SGSM3: variants seen among roughly 807,000 people sequenced by gnomAD.
The protein encoded by SGSM3 is RUN and SH3 containing 3.
A neutral mutation model predicts 100.5 loss-of-function variants in SGSM3; 96 were observed. The ratio of observed to expected loss-of-function variants is 0.96; its 90% CI spans 0.81 to 1.13. The LOEUF is 1.13. Ranked by LOEUF, SGSM3 falls within the 50% of genes most tolerant of loss-of-function variation. SGSM3 has a pLI of 0.00. For missense variants in SGSM3, 1,001 were observed against 1,015.8 expected, an observed-to-expected ratio of 0.99 and a Z score of 0.20; for synonymous variants, 483 against 422.8, an observed-to-expected ratio of 1.14 and a Z score of -1.75.
Position 40,408,971 on chromosome 22 carries a change from T to C in SGSM3, c.1941T>C (p.His647=), listed in dbSNP as rs768309481. The change falls in exon 19 of 22, where the codon CAT becomes CAC. Residue 647 remains histidine (H), a synonymous_variant. Transcript: ENST00000248929. The part of the protein sequence containing the change: ...QSVNVTHDAV[H]AQMDVKLRSL... ...TGAACGTGACCCACGATGCAGTGCA[T>C]GCACAAATGGATGTGAAGCTCCGCT... The C allele has an allele frequency of 3.1e-6, 5 of 1,598,980 alleles. No individual in the cohort carries two copies. Among genetic ancestry groups the C allele is most frequent in the Non-Finnish European group, 4.3e-6 (5 of 1,172,788 alleles).
intron 10 of SGSM3, 127 bp downstream of exon 10, chr22:40,406,789 C>T (rs1432707085): frequency 1.1e-5 from 10 of 921,226 alleles, no homozygotes; most frequent in South Asian, 1.5e-5. Context: ...CAGCCTGGCC[C>T]AGTCAGACCA....
chr22:40,404,482 G>A, intron 5 of SGSM3, 27 bp downstream of exon 5: 2 of 1,609,952 alleles, frequency 1.2e-6, no homozygotes, highest in South Asian at 1.1e-5. Context: ...GACCCACAGG[G>A]TGTTGAGAGG....
chr22:40,376,292 T>C (rs562535041), intron 1 of SGSM3: 1 of 148,332 alleles, frequency 6.7e-6, no homozygotes, highest in Non-Finnish European at 1.5e-5. Flanking sequence ...CTTGCTTGTC[T>C]GCTTGCTTGA....
chr22:40,381,686 G>T (rs1020501857), intron 1 of SGSM3, among the ~76,000 whole-genome samples: 1 of 152,172 alleles, frequency 6.6e-6, no homozygotes, highest in African/African-American at 2.4e-5. Context: ...CGGGCGTAGT[G>T]GTTCACACCA....
At chr22:40,406,013 T>C (rs2051443297) in intron 8 of SGSM3, 65 bp from the exon 9 acceptor site, 2 of 1,582,080 alleles carry the variant, frequency 1.3e-6, no homozygotes, top group Non-Finnish European at 1.7e-6. Context: ...AGGACCTTGC[T>C]GCAGTTCCGG....
chr22:40,386,443 G>A (rs149351501), intron 1 of SGSM3, among the ~76,000 whole-genome samples: 20 of 151,976 alleles, frequency 1.3e-4, no homozygotes, highest in African/African-American at 4.6e-4. Flanking sequence ...CAATGGGCCT[G>A]TCTCTAGCTG....
rs10616868 is a variant in SGSM3, at chr22:40,376,178, C to CTTTTTTTT, written c.-112+5515_-112+5522dup. The stretch of plus-strand genomic sequence containing the variant: ...GGATAGGGTTAAAGTCAAATTACCA[C>CTTTTTTTT]TTTTTTTTTTTTTTTTTTTTTTTTT... On this transcript the variant is annotated intron_variant, in intron 1 of 21. Transcript: ENST00000248929. The CTTTTTTTT allele has an allele frequency of 1.2e-3, 104 of 86,886 alleles. 2 individuals carry two copies. Among genetic ancestry groups the CTTTTTTTT allele is most frequent in the Non-Finnish European group, 1.8e-3 (81 of 44,370 alleles). 5.4% of individuals were successfully genotyped at this position (86,886 alleles called of 1,614,324 possible).
intron 1 of SGSM3, among the ~76,000 whole-genome samples, chr22:40,382,130 C>T (rs769308951): frequency 2.6e-5 from 4 of 151,850 alleles, no homozygotes; most frequent in Non-Finnish European, 4.4e-5. Flanking sequence ...GTGGTGCCTG[C>T]CATGTGAGGT....
Position 40,407,341 on chromosome 22 carries a change from C to T in SGSM3, c.1368+13C>T. 6.2e-7 allele frequency: 1 copy of T among 1,613,276 alleles called. No homozygotes were observed. The highest frequency in any genetic ancestry group is 1.1e-5 in the South Asian group (1 of 91,084). ...AAACTGCAGCGTGGTGAGTCGCCAG[C>T]TCCCTGGGCTGCTACCAAACACGGC... On this transcript the variant is annotated intron_variant, in intron 12 of 21. Coordinates refer to ENST00000248929, the MANE Select transcript of SGSM3 (RefSeq NM_015705.6). The surrounding 1 kb of genome is among the most constrained non-coding windows in gnomAD (Gnocchi z 4.7).
intron 1 of SGSM3, among the ~76,000 whole-genome samples, chr22:40,376,699 T>G (rs1281515220): frequency 6.9e-6 from 1 of 145,906 alleles, no homozygotes; most frequent in Non-Finnish European, 1.5e-5. Context: ...GAAACAGTAA[T>G]TTGCTAAAGA....
chr22:40,397,845 G>T (rs943996682), intron 1 of SGSM3, among the ~76,000 whole-genome samples: 5 of 152,004 alleles, frequency 3.3e-5, no homozygotes, highest in African/African-American at 1.2e-4. Flanking sequence ...ATTCTAAAGA[G>T]CTTCTCCTGA....
At position 40,408,971 on chromosome 22, in the gene SGSM3, T is replaced by G; in HGVS notation, c.1941T>G (p.His647Gln). Reference sequence around the variant, plus strand: ...TGAACGTGACCCACGATGCAGTGCATGCACAAATGGATGTGAAGCTCCGCT... The same window carrying G: ...TGAACGTGACCCACGATGCAGTGCAGGCACAAATGGATGTGAAGCTCCGCT... ...QSVNVTHDAV[H>Q]AQMDVKLRSL... The change falls in exon 19 of 22, where the codon CAT (histidine) becomes CAG (glutamine). Residue 647 changes from histidine (H) to glutamine (Q), a missense_variant. Transcript: ENST00000248929. 1 of 1,599,098 alleles carries G rather than the reference T, an allele frequency of 6.3e-7. No homozygotes were observed. The highest frequency in any genetic ancestry group is 1.1e-5 in the South Asian group (1 of 89,590).
chr22:40,390,748 G>C (rs569607801), intron 1 of SGSM3, among the ~76,000 whole-genome samples: 1 of 152,308 alleles, frequency 6.6e-6, no homozygotes, highest in Admixed American at 6.5e-5. Context: ...GGCAGAGAGA[G>C]TATCAAATAA....
At chr22:40,400,088 A>G (rs979189910) in intron 1 of SGSM3, among the ~76,000 whole-genome samples, 1 of 152,232 alleles carries the variant, frequency 6.6e-6, no homozygotes, top group African/African-American at 2.4e-5. Context: ...CGATTTATCT[A>G]GAATTCCCAA....
chr22:40,407,292 C>T lies in SGSM3; in HGVS notation c.1332C>T (p.Arg444=), dbSNP rs1163371132. Reference sequence around the variant, plus strand: ...GGGAAGCCATCCTGCGCGTGGCACGCCACTTCCAGTGCACAGACCCCAAAA... The same window carrying T: ...GGGAAGCCATCCTGCGCGTGGCACGTCACTTCCAGTGCACAGACCCCAAAA... ...DLREAILRVA[R]HFQCTDPKNC... Residue 444 remains arginine (R), a synonymous_variant, in exon 12 of 22, where the codon CGC becomes CGT. Coordinates refer to ENST00000248929, the MANE Select transcript of SGSM3 (RefSeq NM_015705.6). This position sits in a 1 kb window ranked among gnomAD's most constrained non-coding sequence, Gnocchi z 4.7. 3 of 1,613,628 alleles carry T rather than the reference C, an allele frequency of 1.9e-6. No homozygotes were observed. Among genetic ancestry groups the T allele is most frequent in the Non-Finnish European group, 2.5e-6 (3 of 1,180,034 alleles).
chr22:40,406,060 T>G lies in SGSM3; in HGVS notation c.815-18T>G. On this transcript the variant is annotated intron_variant, in intron 8 of 21. Coordinates refer to ENST00000248929, the MANE Select transcript of SGSM3 (RefSeq NM_015705.6). ...TCCACCACCTCCTCCCCAGCGGCTT[T>G]GGCTCCTGTGTTTACAGAGCTGTCC... 1.2e-6 allele frequency: 2 copies of G among 1,609,246 alleles called. No homozygotes were observed. The highest frequency in any genetic ancestry group is 1.7e-6 in the Non-Finnish European group (2 of 1,176,240).
chr22:40,372,117 C>G (rs941316184), intron 1 of SGSM3, among the ~76,000 whole-genome samples: 1 of 119,608 alleles, frequency 8.4e-6, no homozygotes, highest in Non-Finnish European at 1.7e-5. Context: ...CCCTGTCCCC[C>G]CCCCCTTTTT....
intron 1 of SGSM3, among the ~76,000 whole-genome samples, chr22:40,389,920 A>G (rs1001265034): frequency 3.3e-5 from 5 of 151,410 alleles, no homozygotes; most frequent in African/African-American, 7.3e-5. Flanking sequence ...AAAAAAGAAA[A>G]AAAAAAAAAA....
rs948716076 is a variant in SGSM3, at chr22:40,379,867, G to A, written c.-112+9179G>A. ...TGGGACTACAGATTTGCACCACCAC[G>A]CCCAGCTAATTTTTGTATTTTTTTG... On this transcript the variant is annotated intron_variant, in intron 1 of 21. Transcript: ENST00000248929. Among the ~76,000 whole-genome samples, 9 of 151,968 alleles carry A rather than the reference G, an allele frequency of 5.9e-5. 1 individual carries two copies. Among genetic ancestry groups the A allele is most frequent in the Non-Finnish European group, 1.3e-4 (9 of 67,994 alleles).
Sources: allele counts gnomAD v4.1 joint callset (sites outside exome capture counted in the v4.1 genomes callset), GRCh38; gene constraint gnomAD v4.1.1; non-coding constraint Gnocchi (gnomAD v3.1); transcripts MANE v1.5; gene names NCBI Gene and HGNC (gene_info 2026-07-23, HGNC 2026-07-21).